Variants in HS3ST5 observed in about 807,000 individuals in gnomAD.
HS3ST5 encodes heparan sulfate-glucosamine 3-sulfotransferase 5, also known as heparan sulfate glucosamine 3-O-sulfotransferase 5.
A neutral mutation model predicts 25.4 loss-of-function variants in HS3ST5; 10 were observed. The ratio of observed to expected loss-of-function variants is 0.39; its 90% CI spans 0.24 to 0.67. The LOEUF (loss-of-function observed/expected upper bound fraction) is 0.67, where lower values mean the gene tolerates loss of function less well. HS3ST5 is among the 30% of genes least tolerant of loss of function. The pLI is 0.44. For synonymous variants in HS3ST5, 170 were observed against 162.4 expected, an observed-to-expected ratio of 1.05 and a Z score of -0.36; for missense variants, 324 against 420.7, an observed-to-expected ratio of 0.77 and a Z score of 2.01.
At chr6:114,291,949 C>A (rs1774596523) in intron 1 of HS3ST5, among the ~76,000 whole-genome samples, 1 of 151,878 alleles carries the variant, frequency 6.6e-6, no homozygotes, top group African/African-American at 2.4e-5. Flanking sequence ...ACTTTGCAAC[C>A]CAAAGTATGT....
At chr6:114,141,753 C>T (rs1000922418) in intron 3 of HS3ST5, among the ~76,000 whole-genome samples, 4 of 151,994 alleles carry the variant, frequency 2.6e-5, no homozygotes, top group Non-Finnish European at 5.9e-5. Flanking sequence ...GTGAGCGTGC[C>T]CTTCCTGCCC....
chr6:114,238,775 G>C (rs1258661373), intron 1 of HS3ST5, among the ~76,000 whole-genome samples: 1 of 152,150 alleles, frequency 6.6e-6, no homozygotes, highest in Non-Finnish European at 1.5e-5. Flanking sequence ...GAAGAAAAGA[G>C]AGAGGACCAA....
intron 1 of HS3ST5, among the ~76,000 whole-genome samples, chr6:114,254,189 C>G (rs1184901712): frequency 1.3e-5 from 2 of 152,200 alleles, no homozygotes; most frequent in African/African-American, 4.8e-5. Flanking sequence ...AGCCAGTGTT[C>G]ATCAAGGATC....
chr6:114,117,075 C>T (rs1776566436), intron 3 of HS3ST5, among the ~76,000 whole-genome samples: 1 of 151,852 alleles, frequency 6.6e-6, no homozygotes, highest in South Asian at 2.1e-4. Flanking sequence ...ATTCAAAATT[C>T]CTCCCCCTCC....
intron 3 of HS3ST5, among the ~76,000 whole-genome samples, chr6:114,122,541 A>T (rs571623949): frequency 3.7e-4 from 56 of 152,324 alleles, no homozygotes; most frequent in African/African-American, 1.3e-3. Flanking sequence ...AGTTTGGAAC[A>T]ATTGTGGCAT....
At chr6:114,338,917 A>AT (rs954163231) in intron 1 of HS3ST5, among the ~76,000 whole-genome samples, 1 of 152,086 alleles carries the variant, frequency 6.6e-6, no homozygotes, top group Non-Finnish European at 1.5e-5. Context: ...TTAACTAGGT[A>AT]TTTTTGTTTT....
chr6:114,292,886 T>C (rs1388229486), intron 1 of HS3ST5, among the ~76,000 whole-genome samples: 1 of 152,230 alleles, frequency 6.6e-6, no homozygotes, highest in East Asian at 1.9e-4. Context: ...TAAATCGCTT[T>C]ATATTGTTTT....
chr6:114,210,484 G>A (rs77040968), intron 2 of HS3ST5, among the ~76,000 whole-genome samples: 4,642 of 152,232 alleles, frequency 0.03, 176 homozygotes, highest in East Asian at 0.14. Context: ...ATATGAACTG[G>A]ATTAACAGGG....
intron 2 of HS3ST5, among the ~76,000 whole-genome samples, chr6:114,210,473 A>G (rs565598232): frequency 6.6e-6 from 1 of 152,346 alleles, no homozygotes; most frequent in South Asian, 2.1e-4. Flanking sequence ...AACATCAACT[A>G]ATATGAACTG....
At chr6:114,187,079 AC>A (rs1203829795) in intron 2 of HS3ST5, among the ~76,000 whole-genome samples, 2 of 152,140 alleles carry the variant, frequency 1.3e-5, no homozygotes, top group African/African-American at 4.8e-5. Flanking sequence ...TTGATAATAC[AC>A]CTAGTCACCC....
intron 3 of HS3ST5, among the ~76,000 whole-genome samples, chr6:114,111,368 T>C (rs1028138351): frequency 2.0e-5 from 3 of 152,190 alleles, no homozygotes; most frequent in Non-Finnish European, 4.4e-5. Flanking sequence ...AAATGCTAAA[T>C]GTTCCCTAGG....
At chr6:114,219,423 T>C (rs192651230) in intron 2 of HS3ST5, among the ~76,000 whole-genome samples, 137 of 152,150 alleles carry the variant, frequency 9.0e-4, no homozygotes, top group Admixed American at 4.3e-3. Context: ...TAAAGTTCCT[T>C]TGGGAAAAGC....
intron 1 of HS3ST5, among the ~76,000 whole-genome samples, chr6:114,262,219 G>C (rs141688720): frequency 6.6e-6 from 1 of 152,096 alleles, no homozygotes; most frequent in Non-Finnish European, 1.5e-5. Flanking sequence ...TTTGTATCTC[G>C]TCTCAGGAAA....
intron 1 of HS3ST5, among the ~76,000 whole-genome samples, chr6:114,326,420 C>A (rs1776179003): frequency 6.6e-6 from 1 of 151,458 alleles, no homozygotes; most frequent in Admixed American, 6.6e-5. Context: ...AACCAGTAGG[C>A]CCTCAATAAG....
At chr6:114,280,949 T>C (rs143496609) in intron 1 of HS3ST5, among the ~76,000 whole-genome samples, 1 of 152,060 alleles carries the variant, frequency 6.6e-6, no homozygotes, top group Admixed American at 6.6e-5. Context: ...CACACACTTC[T>C]GCTTCTTTAA....
chr6:114,132,474 A>G (rs1365436970), intron 3 of HS3ST5, among the ~76,000 whole-genome samples: 1 of 152,238 alleles, frequency 6.6e-6, no homozygotes, highest in Non-Finnish European at 1.5e-5. Flanking sequence ...AAAGAGAGCT[A>G]TTCAAAATTC....
chr6:114,097,490 TTA>T (rs1296989578), intron 3 of HS3ST5, among the ~76,000 whole-genome samples: 1 of 151,960 alleles, frequency 6.6e-6, no homozygotes, highest in Non-Finnish European at 1.5e-5. Flanking sequence ...ATATTGTAAT[TTA>T]TGTTTGTTTC....
intron 1 of HS3ST5, among the ~76,000 whole-genome samples, chr6:114,229,949 G>A (rs540966719): frequency 2.0e-5 from 3 of 152,252 alleles, no homozygotes; most frequent in East Asian, 3.9e-4. Context: ...CCATTCAGTT[G>A]TCGTTTCTTG....
At chr6:114,268,452 T>C (rs1773503753) in intron 1 of HS3ST5, among the ~76,000 whole-genome samples, 1 of 152,172 alleles carries the variant, frequency 6.6e-6, no homozygotes, top group Non-Finnish European at 1.5e-5. Context: ...TAGTATTTCT[T>C]ATAATCAATA....
Sources: allele counts gnomAD v4.1 joint callset (sites outside exome capture counted in the v4.1 genomes callset), GRCh38; gene constraint gnomAD v4.1.1; transcripts MANE v1.5; gene names NCBI Gene and HGNC (gene_info 2026-07-23, HGNC 2026-07-21).